PPP4R2: variants seen among roughly 807,000 people sequenced by gnomAD.
PPP4R2 encodes protein phosphatase 4 regulatory subunit 2, also known as serine/threonine-protein phosphatase 4 regulatory subunit 2.
Under a neutral mutation model 47.2 loss-of-function variants are expected in PPP4R2, and 13 were observed. The observed-to-expected ratio is 0.28, with a 90% CI of 0.18 to 0.44. The LOEUF is 0.44. Among genes scored for constraint, PPP4R2 ranks in the 20% least tolerant of loss-of-function variants. The probability of loss-of-function intolerance (pLI) is 1.00; values close to 1 mark genes in which losing one functional copy is unlikely to be tolerated. For missense variants in PPP4R2, 421 were observed against 491.2 expected, an observed-to-expected ratio of 0.86 and a Z score of 1.35; for synonymous variants, 151 against 163.3, an observed-to-expected ratio of 0.92 and a Z score of 0.57.
chr3:73,019,778 GCT>G (rs143449734), intron 2 of PPP4R2, among the ~76,000 whole-genome samples: 13 of 152,156 alleles, frequency 8.5e-5, no homozygotes, highest in Non-Finnish European at 1.5e-4. Flanking sequence ...AAGTATACTT[GCT>G]CTCTCTCTTC....
In PPP4R2 at chr3:73,067,685, A is replaced by G. The variant is rs1049160029; in HGVS notation, c.*1963A>G. The stretch of plus-strand genomic sequence containing the variant: ...ATCCTGTGACCTTTTGATATTTTTT[A>G]TTTTAATTGTAGTGCCATGGACCAT... On this transcript the variant is annotated 3_prime_UTR_variant, in exon 9 of 9. Transcript: ENST00000356692. 1.3e-5 allele frequency: 2 copies of G among 152,118 alleles called. No homozygotes were observed. Among genetic ancestry groups the G allele is most frequent in the Non-Finnish European group, 2.9e-5 (2 of 67,960 alleles). 9.4% of individuals were successfully genotyped at this position (152,118 alleles called of 1,614,324 possible).
chr3:73,004,370 G>A (rs1382559250), intron 2 of PPP4R2, among the ~76,000 whole-genome samples: 2 of 152,122 alleles, frequency 1.3e-5, no homozygotes, highest in African/African-American at 4.8e-5. Context: ...GGTCACTTTG[G>A]CTGGAAGTAA....
At chr3:73,034,749 A>T (rs6800631) in intron 2 of PPP4R2, among the ~76,000 whole-genome samples, 87,132 of 151,712 alleles carry the variant, frequency 0.57, 25,908 homozygotes, top group African/African-American at 0.74. Flanking sequence ...CCCAGGCTGG[A>T]CTCAAACTCC....
chr3:73,059,439 TAG>T, intron 4 of PPP4R2, among the ~76,000 whole-genome samples: 1 of 152,238 alleles, frequency 6.6e-6, no homozygotes, highest in Non-Finnish European at 1.5e-5. Context: ...TTTAACTTTA[TAG>T]AGTGTTTTAT....
At chr3:73,062,896 G>C (rs1702899776) in intron 5 of PPP4R2, 1 of 1,610,992 alleles carries the variant, frequency 6.2e-7, no homozygotes, top group Middle Eastern at 1.7e-4. Flanking sequence ...CGCAAGTCAA[G>C]TTAGTTGCCA....
chr3:73,020,719 G>A (rs1005346655), intron 2 of PPP4R2, among the ~76,000 whole-genome samples: 1 of 151,538 alleles, frequency 6.6e-6, no homozygotes, highest in East Asian at 1.9e-4. Flanking sequence ...GTAGAGACAG[G>A]GTGTTGCTGT....
chr3:73,013,165 C>T (rs1701758207), intron 2 of PPP4R2, among the ~76,000 whole-genome samples: 2 of 151,934 alleles, frequency 1.3e-5, no homozygotes, highest in South Asian at 4.2e-4. Context: ...TAGGATATGG[C>T]TAAAATCAGT....
At position 73,007,477 on chromosome 3, in the gene PPP4R2, GTTTTTTGT is replaced by G. The variant is rs575824981; in HGVS notation, c.116+9326_116+9333del. Among the ~76,000 whole-genome samples the G allele has an allele frequency of 9.6e-3, 1,033 of 107,410 alleles. 22 individuals are homozygous for G. The highest frequency in any genetic ancestry group is 0.038 in the African/African-American group (958 of 25,526). 70.5% of individuals were successfully genotyped at this position (107,410 alleles called of 152,430 possible). The stretch of plus-strand genomic sequence containing the variant: ...TCTTTTCTGTTTTTTTCTGTTTTTT[GTTTTTTGT>G]TTTTTTTTGTGAGACAGAGTCTCAC... On this transcript the variant is annotated intron_variant, in intron 2 of 8. Transcript: ENST00000356692.
rs572387774 is a variant in PPP4R2, at chr3:73,019,596, A to C, written c.116+21438A>C. On this transcript the variant is annotated intron_variant, in intron 2 of 8. Coordinates refer to ENST00000356692, the MANE Select transcript of PPP4R2 (RefSeq NM_174907.4). ...GCCATGTTGGCTAGGCTGGTCTCGA[A>C]CTCCTGACCTCAGATGATCTGCTCC... Among the ~76,000 whole-genome samples the C allele has an allele frequency of 1.3e-3, 193 of 152,140 alleles. 2 individuals are homozygous for C. The highest frequency in any genetic ancestry group is 4.4e-3 in the African/African-American group (184 of 41,510).
intron 2 of PPP4R2, among the ~76,000 whole-genome samples, chr3:73,016,328 G>C (rs957399680): frequency 1.3e-5 from 2 of 151,862 alleles, no homozygotes; most frequent in African/African-American, 4.8e-5. Context: ...ACAATGTCTA[G>C]AGATGTTTTT....
intron 2 of PPP4R2, among the ~76,000 whole-genome samples, chr3:73,037,167 A>G (rs1575866684): frequency 6.6e-6 from 1 of 152,214 alleles, no homozygotes; most frequent in Admixed American, 6.5e-5. Flanking sequence ...CACCCAAGAA[A>G]AAAATTCTAG....
intron 3 of PPP4R2, among the ~76,000 whole-genome samples, chr3:73,053,810 G>A (rs1456454201): frequency 3.3e-5 from 5 of 150,204 alleles, no homozygotes; most frequent in Non-Finnish European, 7.4e-5. Flanking sequence ...TCGGGAGGCT[G>A]AGGCAAGAGA....
intron 4 of PPP4R2, 23 bp from the exon 5 acceptor site, chr3:73,061,000 A>G: frequency 6.5e-7 from 1 of 1,529,246 alleles, no homozygotes; most frequent in South Asian, 1.3e-5. Context: ...TTCATACTAA[A>G]TCACTGATTT....
intron 2 of PPP4R2, among the ~76,000 whole-genome samples, chr3:73,004,316 T>C (rs56389336): frequency 0.014 from 2,167 of 151,156 alleles, 52 homozygotes; most frequent in African/African-American, 0.049. Flanking sequence ...GCTGGAATTA[T>C]AGGCATGAGC....
chr3:73,018,416 ATGTTATGT>A (rs1701886327), intron 2 of PPP4R2, among the ~76,000 whole-genome samples: 1 of 93,148 alleles, frequency 1.1e-5, no homozygotes, highest in African/African-American at 4.8e-5. Flanking sequence ...TCGTTATGTT[ATGTTATGT>A]TATGTTATGT....
In PPP4R2 at chr3:73,001,166, T is replaced by G. The variant is rs1046640000; in HGVS notation, c.116+3008T>G. Among the ~76,000 whole-genome samples the G allele has an allele frequency of 6.6e-5, 10 of 152,304 alleles. No individual in the cohort carries two copies. The South Asian group carries it at 8.3e-4, about 13-fold the overall frequency. On this transcript the variant is annotated intron_variant, in intron 2 of 8. Transcript: ENST00000356692. ...CTACAATCTTGGTGGTAGAGAAGTT[T>G]ATTATTACTCAGCTACATAAAATAC... is the stretch of plus-strand genomic sequence containing the variant.
rs969199418 is a variant in PPP4R2 at position 73,067,728 on chromosome 3, T to A, written c.*2006T>A. 7 of 152,068 alleles carry A rather than the reference T, an allele frequency of 4.6e-5. No homozygotes were observed. Among genetic ancestry groups the A allele is most frequent in the Non-Finnish European group, 8.8e-5 (6 of 67,996 alleles). 9.4% of individuals were successfully genotyped at this position (152,068 alleles called of 1,614,324 possible). On this transcript the variant is annotated 3_prime_UTR_variant, in exon 9 of 9. Coordinates refer to ENST00000356692, the MANE Select transcript of PPP4R2 (RefSeq NM_174907.4). ...TGGACCATTTGTAAACAAATTGATT[T>A]ACTTTTGTTGGTTGTAAGTTGAAGA...
At chr3:73,041,971 A>G (rs1197487918) in intron 2 of PPP4R2, among the ~76,000 whole-genome samples, 1 of 152,226 alleles carries the variant, frequency 6.6e-6, no homozygotes, top group African/African-American at 2.4e-5. Context: ...TTTATTAGAG[A>G]TATGAATTGT....
chr3:72,997,704 G>A (rs949016353), intron 1 of PPP4R2, among the ~76,000 whole-genome samples: 1 of 152,192 alleles, frequency 6.6e-6, no homozygotes, highest in Non-Finnish European at 1.5e-5. Context: ...GGTAGTTGGT[G>A]CTTCTTAGAA....
Sources: gnomAD v4.1 joint callset for allele counts (sites outside exome capture counted in the v4.1 genomes callset) on GRCh38, gnomAD v4.1.1 for gene constraint, MANE v1.5 for transcripts, NCBI Gene and HGNC (gene_info 2026-07-23, HGNC 2026-07-21) for gene names.